CSMD1: variants seen among roughly 807,000 people sequenced by gnomAD.
CSMD1 encodes the protein CUB and Sushi multiple domains 1, also known as CUB and sushi domain-containing protein 1.
In CSMD1, 213 loss-of-function variants were observed where a neutral mutation model predicts 417.5. The ratio of observed to expected loss-of-function variants is 0.51; its 90% confidence interval spans 0.46 to 0.57. The LOEUF is 0.57. Ranked by LOEUF, CSMD1 falls within the 20% of genes least tolerant of loss-of-function variation. CSMD1 has a pLI of 0.00. For synonymous variants in CSMD1, 2,862 were observed against 1,736.8 expected, an observed-to-expected ratio of 1.65 and a Z score of -16.11; for missense variants, 6,923 against 4,529.7, an observed-to-expected ratio of 1.53 and a Z score of -15.17.
intron 54 of CSMD1, among the ~76,000 whole-genome samples, chr8:2,988,866 G>C (rs767360503): frequency 2.6e-5 from 4 of 152,134 alleles, no homozygotes; most frequent in African/African-American, 7.2e-5. Flanking sequence ...AGGCTACCCA[G>C]GGTGAGGTGG....
At chr8:3,709,678 A>ATTTT (rs1563296488) in intron 6 of CSMD1, among the ~76,000 whole-genome samples, 1 of 24,320 alleles carries the variant, frequency 4.1e-5, no homozygotes, top group African/African-American at 1.3e-4. Context: ...TTGCAGCAGC[A>ATTTT]TGTTTTTTTT....
At chr8:3,757,849 C>CAAAAAACAAACA (rs1183301117) in intron 5 of CSMD1, among the ~76,000 whole-genome samples, 2 of 78,772 alleles carry the variant, frequency 2.5e-5, no homozygotes, top group Non-Finnish European at 5.3e-5. Flanking sequence ...GACTTCATCT[C>CAAAAAACAAACA]AAAAAACAAA....
At chr8:3,531,757 C>G (rs1797989780) in intron 10 of CSMD1, among the ~76,000 whole-genome samples, 1 of 152,220 alleles carries the variant, frequency 6.6e-6, no homozygotes, top group African/African-American at 2.4e-5. Context: ...TAACAAAGAG[C>G]AGCCTGGAAG....
intron 3 of CSMD1, among the ~76,000 whole-genome samples, chr8:4,271,728 T>C (rs995656114): frequency 1.3e-5 from 2 of 152,186 alleles, no homozygotes; most frequent in Admixed American, 1.3e-4. Flanking sequence ...ATCCCAGGCC[T>C]GTATATGATT....
intron 2 of CSMD1, among the ~76,000 whole-genome samples, chr8:4,504,618 G>T (rs113800719): frequency 1.3e-5 from 2 of 152,144 alleles, no homozygotes; most frequent in East Asian, 1.9e-4. Flanking sequence ...TTGTCCTAAC[G>T]CTCTCCCTCC....
rs759726370 is a variant in CSMD1 at position 2,942,498 on chromosome 8, C to T, written c.10509G>A (p.Gly3503=). Residue 3503 remains glycine (G), a synonymous_variant, in exon 69 of 70, where the codon GGG becomes GGA. Coordinates refer to ENST00000635120, the MANE Select transcript of CSMD1 (RefSeq NM_033225.6). ...TGTGTTTGTAGAGGTAAAATGCAAA[C>T]CCTGATAAAATTAGAGCAAAGAAAG... is the stretch of plus-strand genomic sequence containing the variant. ...LVPFFALILS[G]FAFYLYKHRT... is the part of the protein sequence containing the mutation. The T allele has an allele frequency of 1.3e-5, 21 of 1,612,986 alleles. No individual in the cohort carries two copies. The highest frequency in any genetic ancestry group is 1.8e-5 in the Non-Finnish European group (21 of 1,179,492).
chr8:3,574,832 T>C, intron 10 of CSMD1, 113 bp downstream of exon 10: 1 of 1,268,382 alleles, frequency 7.9e-7, no homozygotes, highest in South Asian at 1.6e-5. Flanking sequence ...AACTTTTAAA[T>C]TCAAACAGTA....
intron 11 of CSMD1, among the ~76,000 whole-genome samples, chr8:3,473,057 T>C (rs1459042687): frequency 1.3e-5 from 2 of 152,182 alleles, no homozygotes; most frequent in Non-Finnish European, 2.9e-5. Flanking sequence ...TTCGACTTGA[T>C]TTTAACTTAC....
chr8:3,725,401 T>C (rs1802424196), intron 6 of CSMD1, among the ~76,000 whole-genome samples: 1 of 152,098 alleles, frequency 6.6e-6, no homozygotes, highest in African/African-American at 2.4e-5. Flanking sequence ...CACTTGAACA[T>C]TTTTATTTTT....
intron 4 of CSMD1, among the ~76,000 whole-genome samples, chr8:4,027,661 T>C (rs1033168429): frequency 6.6e-6 from 1 of 152,154 alleles, no homozygotes; most frequent in East Asian, 1.9e-4. Context: ...TATTTCTTCA[T>C]AGTAGCATGA....
At chr8:4,222,105 C>CAA (rs11307752) in intron 3 of CSMD1, among the ~76,000 whole-genome samples, 360 of 146,290 alleles carry the variant, frequency 2.5e-3, no homozygotes, top group Middle Eastern at 3.6e-3. Flanking sequence ...ATCAAACCAA[C>CAA]AAAAAAAAAA....
At chr8:4,451,801 T>C (rs1342512503) in intron 2 of CSMD1, among the ~76,000 whole-genome samples, 1 of 152,082 alleles carries the variant, frequency 6.6e-6, no homozygotes, top group African/African-American at 2.4e-5. Flanking sequence ...CAATGCCATC[T>C]TAAAGGATGG....
intron 49 of CSMD1, among the ~76,000 whole-genome samples, chr8:3,075,483 G>A (rs538477783): frequency 1.5e-4 from 22 of 151,116 alleles, no homozygotes; most frequent in Non-Finnish European, 2.5e-4. Flanking sequence ...GTTTTTCCAC[G>A]TTGGTCAGGC....
intron 3 of CSMD1, among the ~76,000 whole-genome samples, chr8:4,251,377 A>G (rs1480096891): frequency 6.6e-6 from 1 of 152,204 alleles, no homozygotes; most frequent in Non-Finnish European, 1.5e-5. Flanking sequence ...TTTTATTTAA[A>G]AGCTTTGATG....
At chr8:3,803,839 C>T (rs1383830070) in intron 5 of CSMD1, among the ~76,000 whole-genome samples, 2 of 152,180 alleles carry the variant, frequency 1.3e-5, no homozygotes, top group African/African-American at 4.8e-5. Flanking sequence ...CCTTAATAAA[C>T]ATGGCAAAGA....
chr8:4,071,904 G>C (rs373206066), intron 3 of CSMD1, among the ~76,000 whole-genome samples: 6 of 152,232 alleles, frequency 3.9e-5, no homozygotes, highest in African/African-American at 1.4e-4. Flanking sequence ...CTCCACTTAG[G>C]CATAGCTCAA....
intron 5 of CSMD1, among the ~76,000 whole-genome samples, chr8:3,823,426 A>C (rs1585049221): frequency 6.6e-6 from 1 of 152,290 alleles, no homozygotes; most frequent in East Asian, 1.9e-4. Context: ...TTTCTTATGC[A>C]AAATTTAGGA....
At chr8:4,624,916 T>G (rs772133090) in intron 2 of CSMD1, among the ~76,000 whole-genome samples, 2 of 152,146 alleles carry the variant, frequency 1.3e-5, no homozygotes, top group African/African-American at 4.8e-5. Flanking sequence ...TTTTTAAAAT[T>G]AAAGTGTGCT....
At chr8:4,225,317 C>G (rs1037841391) in intron 3 of CSMD1, among the ~76,000 whole-genome samples, 25 of 152,048 alleles carry the variant, frequency 1.6e-4, no homozygotes, top group Middle Eastern at 6.8e-3. Flanking sequence ...TCTGAATCAT[C>G]GAGACTTGAT....
Sources: allele counts gnomAD v4.1 joint callset (sites outside exome capture counted in the v4.1 genomes callset), GRCh38; gene constraint gnomAD v4.1.1; transcripts MANE v1.5; gene names NCBI Gene and HGNC (gene_info 2026-07-23, HGNC 2026-07-21).